The following EXOSC7 variants were observed in gnomAD, a reference collection of about 807,000 sequenced individuals.
The protein encoded by EXOSC7 is exosome complex component RRP42.
In EXOSC7, 25 loss-of-function variants were observed where a neutral mutation model predicts 34.3. That is an observed-to-expected ratio of 0.73 (90% confidence interval 0.53 to 1.02). The LOEUF (loss-of-function observed/expected upper bound fraction) is 1.02. Ranked by LOEUF, EXOSC7 falls within the 50% of genes least tolerant of loss-of-function variation. EXOSC7 has a pLI of 0.00. For synonymous variants in EXOSC7, 130 were observed against 143.0 expected, an observed-to-expected ratio of 0.91 and a Z score of 0.65; for missense variants, 370 against 368.5, an observed-to-expected ratio of 1.00 and a Z score of -0.03.
intron 4 of EXOSC7, among the ~76,000 whole-genome samples, chr3:44,998,113 G>T (rs1462226069): frequency 6.8e-6 from 1 of 146,054 alleles, no homozygotes; most frequent in Non-Finnish European, 1.5e-5. Flanking sequence ...TTGGCTCACT[G>T]CAACCTCTGC....
chr3:44,983,348 T>TA (rs891098846), intron 1 of EXOSC7, among the ~76,000 whole-genome samples: 34 of 152,342 alleles, frequency 2.2e-4, no homozygotes, highest in African/African-American at 8.2e-4. Flanking sequence ...TCCTATGTGT[T>TA]ACACTGAAGG....
chr3:44,997,302 C>T (rs1233231768), intron 4 of EXOSC7, 50 bp downstream of exon 4: 7 of 1,539,354 alleles, frequency 4.5e-6, no homozygotes, highest in Non-Finnish European at 6.2e-6. Flanking sequence ...GTTGGAAAGA[C>T]TAGTTGGCCT....
At chr3:44,978,196 C>T (rs770272615) in intron 1 of EXOSC7, among the ~76,000 whole-genome samples, 9 of 152,218 alleles carry the variant, frequency 5.9e-5, no homozygotes, top group South Asian at 2.1e-4. Flanking sequence ...TTGTGGCTCA[C>T]GCCTGTAATC....
At chr3:44,985,214 T>C (rs1035547703) in intron 1 of EXOSC7, among the ~76,000 whole-genome samples, 26 of 152,148 alleles carry the variant, frequency 1.7e-4, no homozygotes, top group Admixed American at 1.7e-3. Context: ...TTATGGGTCT[T>C]CCAGTGAAGA....
At chr3:44,992,223 A>G (rs1706593922) in intron 3 of EXOSC7, among the ~76,000 whole-genome samples, 1 of 152,216 alleles carries the variant, frequency 6.6e-6, no homozygotes, top group Non-Finnish European at 1.5e-5. Context: ...TTGCCTATCC[A>G]CAGGCTGAAA....
chr3:44,990,688 C>T (rs1395867859), intron 3 of EXOSC7, among the ~76,000 whole-genome samples: 2 of 152,168 alleles, frequency 1.3e-5, no homozygotes, highest in Non-Finnish European at 2.9e-5. Context: ...AGACTCAGCA[C>T]CCAAGATTTT....
intron 6 of EXOSC7, 75 bp from the exon 7 acceptor site, chr3:45,007,345 C>A: frequency 6.6e-7 from 1 of 1,524,702 alleles, no homozygotes; most frequent in East Asian, 2.3e-5. Flanking sequence ...GTAGAGATTC[C>A]CACCACGAGG....
At chr3:44,976,663 C>T (rs1160249963) in intron 1 of EXOSC7, among the ~76,000 whole-genome samples, 1 of 152,210 alleles carries the variant, frequency 6.6e-6, no homozygotes, top group Non-Finnish European at 1.5e-5. Context: ...TTGTCCGAGC[C>T]TCAGTTTTCT....
intron 1 of EXOSC7, among the ~76,000 whole-genome samples, chr3:44,977,612 T>A (rs944160711): frequency 1.3e-5 from 2 of 152,240 alleles, no homozygotes; most frequent in Non-Finnish European, 2.9e-5. Context: ...ACATGTATGT[T>A]ATTTGTGTGT....
intron 3 of EXOSC7, among the ~76,000 whole-genome samples, chr3:44,993,186 C>T (rs1343416623): frequency 6.6e-6 from 1 of 152,162 alleles, no homozygotes; most frequent in Non-Finnish European, 1.5e-5. Context: ...CTCTCGCAGA[C>T]ACTTCAAACA....
intron 4 of EXOSC7, among the ~76,000 whole-genome samples, chr3:45,000,429 T>C (rs1706842347): frequency 6.6e-6 from 1 of 152,254 alleles, no homozygotes; most frequent in African/African-American, 2.4e-5. Context: ...ATGTGTGACT[T>C]CTCACCTTTC....
chr3:45,011,840 T>G (rs1317033686), downstream of EXOSC7, among the ~76,000 whole-genome samples: 1 of 152,230 alleles, frequency 6.6e-6, no homozygotes, highest in Non-Finnish European at 1.5e-5. Flanking sequence ...AGCTCTGACT[T>G]CCTGCCCTCC....
intron 7 of EXOSC7, among the ~76,000 whole-genome samples, chr3:45,008,508 G>A (rs1470144126): frequency 6.6e-6 from 1 of 152,190 alleles, no homozygotes; most frequent in African/African-American, 2.4e-5. Context: ...GGGCTGTGAG[G>A]GTGTACTGCC....
At chr3:44,983,915 G>T (rs755354106) in intron 1 of EXOSC7, among the ~76,000 whole-genome samples, 3 of 152,166 alleles carry the variant, frequency 2.0e-5, no homozygotes, top group African/African-American at 4.8e-5. Context: ...GGTTAGGTTG[G>T]TTTTTTTGGT....
At chr3:45,003,571 A>G (rs1202745647) in intron 5 of EXOSC7, among the ~76,000 whole-genome samples, 3 of 152,120 alleles carry the variant, frequency 2.0e-5, no homozygotes, top group Non-Finnish European at 4.4e-5. Flanking sequence ...GTTTTGTTAG[A>G]GGAACTGGGA....
intron 1 of EXOSC7, among the ~76,000 whole-genome samples, chr3:44,978,461 CAG>C (rs1342089618): frequency 7.9e-5 from 12 of 152,132 alleles, no homozygotes; most frequent in Non-Finnish European, 1.8e-4. Flanking sequence ...GAGCTAGACT[CAG>C]GGGCTAGGAA....
intron 4 of EXOSC7, 111 bp downstream of exon 4, chr3:44,997,363 A>G (rs1374696898): frequency 1.8e-5 from 18 of 975,256 alleles, no homozygotes; most frequent in Non-Finnish European, 2.2e-5. Flanking sequence ...TTCAACTTAT[A>G]GGGTGGGATT....
At chr3:44,999,487 G>A (rs1443363902) in intron 4 of EXOSC7, among the ~76,000 whole-genome samples, 3 of 152,200 alleles carry the variant, frequency 2.0e-5, no homozygotes, top group South Asian at 2.1e-4. Flanking sequence ...TCAGGAGTTC[G>A]AGACCAGCCT....
Position 45,006,458 on chromosome 3 carries a change from G to A in EXOSC7, c.616-962G>A, listed in dbSNP as rs190561722. Reference sequence around the variant, plus strand: ...AGAGTCTCGCTCTGTCGCCCAGGCCGGACTGCGGACTGCAGTGGTGCAATC... The same window carrying A: ...AGAGTCTCGCTCTGTCGCCCAGGCCAGACTGCGGACTGCAGTGGTGCAATC... On this transcript the variant is annotated intron_variant, in intron 6 of 7. Coordinates refer to ENST00000265564, the MANE Select transcript of EXOSC7 (RefSeq NM_015004.4). Among the ~76,000 whole-genome samples, 375 of 134,172 alleles carry A rather than the reference G, an allele frequency of 2.8e-3. 5 individuals are homozygous for A. The South Asian group carries it at 0.033, about 12-fold the overall frequency. The allele number at this position is 134,172 out of a possible 152,430, so 88.0% of individuals were successfully genotyped here.
Sources: allele counts gnomAD v4.1 joint callset (sites outside exome capture counted in the v4.1 genomes callset), GRCh38; gene constraint gnomAD v4.1.1; transcripts MANE v1.5; gene names NCBI Gene and HGNC (gene_info 2026-07-23, HGNC 2026-07-21).